Variants in RICTOR observed in about 807,000 individuals in gnomAD.
RICTOR encodes the protein RPTOR independent companion of MTOR complex 2, also known as rapamycin-insensitive companion of mTOR.
A neutral mutation model predicts 214.9 loss-of-function variants in RICTOR; 49 were observed. That is an observed-to-expected ratio of 0.23 (90% CI 0.18 to 0.29). The LOEUF is 0.29. Ranked by LOEUF, RICTOR falls within the 10% of genes least tolerant of loss-of-function variation. The pLI is 1.00. For missense variants in RICTOR, 1,625 were observed against 2,047.0 expected (o/e 0.79, Z 3.98); for synonymous variants, 717 against 711.3 (o/e 1.01, Z -0.13).
chr5:38,942,883 G>A lies in RICTOR; in HGVS notation c.5002C>T (p.Pro1668Ser), dbSNP rs1294184642. 4 of 1,611,884 alleles carry A rather than the reference G, an allele frequency of 2.5e-6. No individual in the cohort carries two copies. Among genetic ancestry groups the A allele is most frequent in the Non-Finnish European group, 3.4e-6 (4 of 1,177,966 alleles). Residue 1668 changes from proline (P) to serine (S), a missense_variant, in exon 37 of 38, where the codon CCG (proline) becomes TCG (serine). Pro to Ser is a moderately conservative substitution (Grantham distance 74, BLOSUM62 -1). This residue lies in a region of RICTOR where 44 missense variants were observed against 90.1 expected (regional missense o/e 0.49). Coordinates refer to ENST00000357387, the MANE Select transcript of RICTOR (RefSeq NM_152756.5). ...HLLSHCTFRLPCRRFIQELFQ... is the reference protein window; with the variant it reads ...HLLSHCTFRLSCRRFIQELFQ... ...AATTCTTGTATGAACCTCCGACACG[G>A]AAGTCTGAATGTGCAGTGTGACAGC...
intron 7 of RICTOR, among the ~76,000 whole-genome samples, chr5:38,990,746 A>AGATATATGATATATAT: frequency 8.8e-6 from 1 of 113,616 alleles, no homozygotes; most frequent in South Asian, 2.8e-4. Flanking sequence ...GATATATATG[A>AGATATATGATATATAT]GATATATGAT....
intron 3 of RICTOR, among the ~76,000 whole-genome samples, chr5:39,020,595 A>G (rs982276923): frequency 3.3e-5 from 5 of 152,240 alleles, no homozygotes; most frequent in African/African-American, 9.6e-5. Flanking sequence ...TAGTATAAAC[A>G]TAACTTTTTA....
rs1387213888 is a variant in RICTOR, at chr5:38,954,777, T to C, written c.2694A>G (p.Val898=). Residue 898 remains valine (V), a synonymous_variant, in exon 27 of 38, where the codon GTA becomes GTG. Coordinates refer to ENST00000357387, the MANE Select transcript of RICTOR (RefSeq NM_152756.5). ...AATAAGTGAATTATGTTTTTACCTG[T>C]ACTTCCAACAAATGGCAGCCTGTTT... ...HHKTGCHLLE[V]QNIITELCRN... is the part of the protein sequence containing the mutation. 1 of 1,567,770 alleles carries C rather than the reference T, an allele frequency of 6.4e-7. No homozygotes were observed. The highest frequency in any genetic ancestry group is 2.2e-5 in the East Asian group (1 of 44,514).
chr5:38,956,948 G>A (rs1749312993), intron 25 of RICTOR, among the ~76,000 whole-genome samples: 1 of 152,018 alleles, frequency 6.6e-6, no homozygotes, highest in South Asian at 2.1e-4. Flanking sequence ...AAAAGAATGT[G>A]TAACTATGTT....
At chr5:39,063,508 C>A (rs193064507) in intron 2 of RICTOR, among the ~76,000 whole-genome samples, 1 of 152,172 alleles carries the variant, frequency 6.6e-6, no homozygotes, top group Non-Finnish European at 1.5e-5. Flanking sequence ...AAAGGTCTTA[C>A]AATTGTCATT....
At chr5:38,985,354 A>AT (rs60186441) in intron 7 of RICTOR, among the ~76,000 whole-genome samples, 10 of 151,166 alleles carry the variant, frequency 6.6e-5, no homozygotes, top group Non-Finnish European at 4.4e-5. Context: ...TGTATTTAAA[A>AT]TTTTTTTTTT....
In RICTOR at chr5:39,026,058, G is replaced by A. The variant is rs539783808; in HGVS notation, c.98-4922C>T. On this transcript the variant is annotated intron_variant, in intron 2 of 37. Transcript: ENST00000357387. Reference sequence around the variant, plus strand: ...CTGTCTCTATTTCTTCCTACTCTGTGTTTCCAATTTTCCTTCTCTAAAACT... The same window carrying A: ...CTGTCTCTATTTCTTCCTACTCTGTATTTCCAATTTTCCTTCTCTAAAACT... 6.6e-5 allele frequency among the ~76,000 whole-genome samples: 10 copies of A among 152,258 alleles called. No individual in the cohort carries two copies. In the East Asian group the frequency reaches 1.9e-3, roughly 29 times the overall value.
intron 2 of RICTOR, 126 bp downstream of exon 2, chr5:39,073,985 C>A (rs925794471): frequency 4.2e-6 from 2 of 477,842 alleles, no homozygotes; most frequent in Non-Finnish European, 2.9e-6. Context: ...GCAGGCGGGG[C>A]TCCGGCTCTG....
chr5:39,043,627 A>C (rs538109719), intron 2 of RICTOR, among the ~76,000 whole-genome samples: 1 of 152,198 alleles, frequency 6.6e-6, no homozygotes, highest in Non-Finnish European at 1.5e-5. Flanking sequence ...TTCTCACCAC[A>C]AAGAAATGAT....
At chr5:39,039,703 A>G (rs921164003) in intron 2 of RICTOR, among the ~76,000 whole-genome samples, 5 of 152,306 alleles carry the variant, frequency 3.3e-5, no homozygotes, top group Middle Eastern at 3.4e-3. Flanking sequence ...GCAGCCAAAA[A>G]ACACATGAAA....
chr5:39,066,510 C>G (rs867801607), intron 2 of RICTOR, among the ~76,000 whole-genome samples: 1 of 152,246 alleles, frequency 6.6e-6, no homozygotes, highest in Non-Finnish European at 1.5e-5. Flanking sequence ...ATCTCTAGCA[C>G]GTGGTTGCTC....
intron 6 of RICTOR, among the ~76,000 whole-genome samples, chr5:38,994,733 A>AACCG (rs1554069081): frequency 6.6e-6 from 1 of 152,048 alleles, no homozygotes; most frequent in African/African-American, 2.4e-5. Flanking sequence ...AGCAATTAAA[A>AACCG]ACTACTTTAA....
chr5:39,051,651 G>A (rs576478090), intron 2 of RICTOR, among the ~76,000 whole-genome samples: 1 of 152,058 alleles, frequency 6.6e-6, no homozygotes, highest in East Asian at 1.9e-4. Flanking sequence ...CTACTTGGAG[G>A]CTGAGGCAGG....
intron 8 of RICTOR, among the ~76,000 whole-genome samples, 182 bp from the exon 9 acceptor site, chr5:38,978,832 G>A (rs1289297832): frequency 2.6e-5 from 4 of 151,696 alleles, no homozygotes; most frequent in African/African-American, 9.7e-5. Flanking sequence ...ACAAATTGAA[G>A]TTCTGAACTT....
At chr5:38,965,929 G>A (rs1189545677) in intron 15 of RICTOR, among the ~76,000 whole-genome samples, 3 of 151,960 alleles carry the variant, frequency 2.0e-5, no homozygotes, top group Non-Finnish European at 4.4e-5. Flanking sequence ...GTTTTAAATG[G>A]TTCTTTTTAT....
At chr5:38,996,683 T>C in intron 6 of RICTOR, 136 bp downstream of exon 6, 1 of 534,256 alleles carries the variant, frequency 1.9e-6, no homozygotes. Context: ...TTATTTAATA[T>C]AAAACTTTAA....
At chr5:39,013,432 T>C (rs919637813) in intron 3 of RICTOR, among the ~76,000 whole-genome samples, 3 of 152,132 alleles carry the variant, frequency 2.0e-5, no homozygotes, top group Non-Finnish European at 4.4e-5. Context: ...CAAAAAGGGC[T>C]ATAAACAATT....
chr5:39,040,218 C>T (rs530509819), intron 2 of RICTOR, among the ~76,000 whole-genome samples: 10 of 148,964 alleles, frequency 6.7e-5, no homozygotes, highest in African/African-American at 2.0e-4. Flanking sequence ...ATTGCAAGGA[C>T]AAAAAACCAA....
chr5:38,957,577 C>T, intron 25 of RICTOR, 75 bp downstream of exon 25: 1 of 816,740 alleles, frequency 1.2e-6, no homozygotes, highest in Non-Finnish European at 2.0e-6. Context: ...TATAAAAAAA[C>T]CATCCTCTAA....
Sources: allele counts gnomAD v4.1 joint callset (sites outside exome capture counted in the v4.1 genomes callset), GRCh38; gene constraint gnomAD v4.1.1; regional missense constraint gnomAD v4.1.1; transcripts MANE v1.5; gene names NCBI Gene and HGNC (gene_info 2026-07-23, HGNC 2026-07-21).